The following NBAS variants were observed in gnomAD, a reference collection of about 807,000 sequenced individuals.
NBAS encodes NBAS subunit of NRZ tethering complex.
A neutral mutation model predicts 302.5 loss-of-function variants in NBAS; 219 were observed. That is an observed-to-expected ratio of 0.72 (90% CI 0.65 to 0.81). NBAS has a LOEUF of 0.81. Among genes scored for constraint, NBAS ranks in the 30% least tolerant of loss-of-function variants. The probability of loss-of-function intolerance (pLI) is 0.00; values close to 1 mark genes in which losing one functional copy is unlikely to be tolerated. For missense variants in NBAS, 2,932 were observed against 2,841.6 expected, an observed-to-expected ratio of 1.03 and a Z score of -0.72; for synonymous variants, 1,118 against 1,021.6, an observed-to-expected ratio of 1.09 and a Z score of -1.80.
At chr2:14,888,225 G>A in the NBAS span, among the ~76,000 whole-genome samples, 1 of 152,278 alleles carries the variant, frequency 6.6e-6, no homozygotes, top group East Asian at 1.9e-4. Context: ...CCGCCTCCTG[G>A]GTTCAAGTGG....
At chr2:15,120,393 C>T in the NBAS span, among the ~76,000 whole-genome samples, 1 of 152,190 alleles carries the variant, frequency 6.6e-6, no homozygotes, top group East Asian at 1.9e-4. Context: ...CAAGCCCACA[C>T]CTGCCACACT....
chr2:15,250,095 G>T (rs561684941), intron 44 of NBAS, among the ~76,000 whole-genome samples: 19 of 152,290 alleles, frequency 1.2e-4, no homozygotes, highest in African/African-American at 4.6e-4. Context: ...GAACAGCATG[G>T]TACTGGTACC....
At chr2:15,350,234 AG>A (rs1192736986) in intron 35 of NBAS, among the ~76,000 whole-genome samples, 1 of 152,206 alleles carries the variant, frequency 6.6e-6, no homozygotes, top group African/African-American at 2.4e-5. Context: ...TAAAAGTAAC[AG>A]TAGAGTACAC....
chr2:15,328,519 C>T (rs1310355337), intron 36 of NBAS, among the ~76,000 whole-genome samples: 1 of 152,168 alleles, frequency 6.6e-6, no homozygotes, highest in Non-Finnish European at 1.5e-5. Context: ...ATCATAACTA[C>T]ATGCTAAGAG....
chr2:15,329,328 C>G (rs1444405848), intron 36 of NBAS, among the ~76,000 whole-genome samples: 1 of 152,116 alleles, frequency 6.6e-6, no homozygotes, highest in Non-Finnish European at 1.5e-5. Flanking sequence ...CTTAGGTCTC[C>G]TCTTTCTTCC....
rs762412003 is a variant in NBAS at position 15,561,263 on chromosome 2, A to G, written c.42T>C (p.Thr14=). The G allele has an allele frequency of 6.2e-7, 1 of 1,613,976 alleles. No individual in the cohort carries two copies. Among genetic ancestry groups the G allele is most frequent in the South Asian group, 1.1e-5 (1 of 91,082 alleles). Residue 14 remains threonine (T), a synonymous_variant, in exon 1 of 52, where the codon ACT becomes ACC. Coordinates refer to ENST00000281513, the MANE Select transcript of NBAS (RefSeq NM_015909.4). ...PESGPALSPG[T]AEGEEETILY... ...GAATCGTCTCCTCCTCACCCTCTGCAGTGCCTGGACTCAAAGCCGGCCCTG... is the reference window on the plus strand; with the variant it reads ...GAATCGTCTCCTCCTCACCCTCTGCGGTGCCTGGACTCAAAGCCGGCCCTG...
At chr2:15,468,731 G>T (rs899528610) in intron 16 of NBAS, among the ~76,000 whole-genome samples, 198 bp from the exon 17 acceptor site, 5 of 152,198 alleles carry the variant, frequency 3.3e-5, no homozygotes, top group Non-Finnish European at 7.3e-5. Flanking sequence ...CGGGGAGTGT[G>T]AGTTGACCTG....
intron 48 of NBAS, among the ~76,000 whole-genome samples, chr2:15,198,775 C>T (rs1294828143): frequency 6.6e-6 from 1 of 152,080 alleles, no homozygotes; most frequent in Non-Finnish European, 1.5e-5. Context: ...ACTTACTTTC[C>T]GAAAGACATC....
the NBAS span, among the ~76,000 whole-genome samples, chr2:15,068,965 C>G: frequency 0.57 from 86,765 of 151,982 alleles, 25,746 homozygotes; most frequent in East Asian, 0.69. Flanking sequence ...CCCGAGGCAG[C>G]GCAGGGCCTC....
chr2:15,307,315 T>C (rs1170556529), intron 40 of NBAS, among the ~76,000 whole-genome samples: 3 of 152,190 alleles, frequency 2.0e-5, no homozygotes, highest in African/African-American at 4.8e-5. Flanking sequence ...TGGGATAGAA[T>C]TGAACAATTT....
At chr2:15,383,645 A>G (rs188261728) in intron 28 of NBAS, among the ~76,000 whole-genome samples, 1 of 152,306 alleles carries the variant, frequency 6.6e-6, no homozygotes, top group Admixed American at 6.5e-5. Flanking sequence ...AGGTAAAATG[A>G]ACCACTGCAA....
At position 15,348,458 on chromosome 2, in the gene NBAS, C is replaced by A. The variant is rs571610835; in HGVS notation, c.4179+3534G>T. Among the ~76,000 whole-genome samples, 8 of 152,128 alleles carry A rather than the reference C, an allele frequency of 5.3e-5. No individual in the cohort carries two copies. In the South Asian group the frequency reaches 1.7e-3, roughly 32 times the overall value. ...CCACTGCAAAGAAGCCACCAAGAGG[C>A]CAGGCTGACATTTTATAATTCACTG... On this transcript the variant is annotated intron_variant, in intron 35 of 51. Coordinates refer to ENST00000281513, the MANE Select transcript of NBAS (RefSeq NM_015909.4).
chr2:15,401,022 G>A (rs1301605221), intron 26 of NBAS, among the ~76,000 whole-genome samples: 2 of 152,104 alleles, frequency 1.3e-5, no homozygotes, highest in African/African-American at 4.8e-5. Context: ...TGTAAGACCA[G>A]GTACTTCATA....
chr2:15,013,983 A>G, the NBAS span, among the ~76,000 whole-genome samples: 1 of 152,112 alleles, frequency 6.6e-6, no homozygotes, highest in South Asian at 2.1e-4. Context: ...AAGGAAACCA[A>G]AAGCAAACAA....
intron 44 of NBAS, among the ~76,000 whole-genome samples, chr2:15,242,053 A>G (rs575753857): frequency 6.6e-6 from 1 of 152,280 alleles, no homozygotes; most frequent in South Asian, 2.1e-4. Flanking sequence ...TAGCCTCTAC[A>G]AGCATTCCAC....
intron 51 of NBAS, among the ~76,000 whole-genome samples, chr2:15,176,826 G>C (rs1477753725): frequency 6.6e-6 from 1 of 152,142 alleles, no homozygotes. Flanking sequence ...ACACTGGGGG[G>C]AACTGGGTGA....
At chr2:15,178,337 G>C (rs6714001) in intron 51 of NBAS, among the ~76,000 whole-genome samples, 41,833 of 152,026 alleles carry the variant, frequency 0.28, 7,113 homozygotes, top group East Asian at 0.68. Context: ...CTTCAGTAAG[G>C]ATCATACAAC....
At chr2:14,974,713 T>G in the NBAS span, among the ~76,000 whole-genome samples, 451 of 152,306 alleles carry the variant, frequency 3.0e-3, 1 homozygote, top group African/African-American at 0.011. Context: ...TCTCTGCTGG[T>G]GTGTATCCTA....
At chr2:15,076,538 A>C in the NBAS span, among the ~76,000 whole-genome samples, 1 of 152,240 alleles carries the variant, frequency 6.6e-6, no homozygotes, top group Non-Finnish European at 1.5e-5. Context: ...TTCCAATAAC[A>C]TCAGAGGCTG....
Sources: allele counts gnomAD v4.1 joint callset (sites outside exome capture counted in the v4.1 genomes callset), GRCh38; gene constraint gnomAD v4.1.1; transcripts MANE v1.5; gene names NCBI Gene and HGNC (gene_info 2026-07-23, HGNC 2026-07-21).